ZNF536: variants seen among roughly 807,000 people sequenced by gnomAD.
ZNF536 encodes zinc finger protein 536.
ZNF536 carries 13 observed loss-of-function variants against 84.5 expected under a neutral mutation model. The ratio of observed to expected loss-of-function variants is 0.15; its 90% CI spans 0.10 to 0.24. The LOEUF is 0.24. ZNF536 is among the 10% of genes least tolerant of loss of function. The probability of loss-of-function intolerance (pLI) is 1.00; values close to 1 mark genes in which losing one functional copy is unlikely to be tolerated. For synonymous variants in ZNF536, 811 were observed against 742.5 expected (o/e 1.09, Z -1.50); for missense variants, 1,536 against 1,747.5 (o/e 0.88, Z 2.16).
chr19:30,586,112 G>A (rs975018539), intron 1 of ZNF536, among the ~76,000 whole-genome samples: 4 of 152,092 alleles, frequency 2.6e-5, no homozygotes, highest in African/African-American at 9.7e-5. Context: ...TGTATATTTG[G>A]GCAAGTTACA....
intron 1 of ZNF536, among the ~76,000 whole-genome samples, chr19:30,268,067 C>G (rs1599962138): frequency 1.3e-5 from 1 of 79,362 alleles, no homozygotes; most frequent in Admixed American, 1.4e-4. Context: ...CTCTCCCCCT[C>G]TCATCCTTCC....
chr19:30,679,619 G>A (rs775674571), intron 1 of ZNF536, among the ~76,000 whole-genome samples: 18 of 152,168 alleles, frequency 1.2e-4, no homozygotes, highest in Non-Finnish European at 2.1e-4. Flanking sequence ...GGGCAGCAGG[G>A]AAGGGCCAGA....
intron 1 of ZNF536, among the ~76,000 whole-genome samples, chr19:30,231,226 C>T (rs373501117): frequency 2.0e-5 from 3 of 152,332 alleles, no homozygotes; most frequent in African/African-American, 7.2e-5. Flanking sequence ...GAAGCCTCTT[C>T]CATGGCCTGT....
chr19:30,686,601 C>A (rs1016763738), intron 1 of ZNF536, among the ~76,000 whole-genome samples: 1 of 152,202 alleles, frequency 6.6e-6, no homozygotes, highest in African/African-American at 2.4e-5. Flanking sequence ...CCCTCTTAGT[C>A]CCTTACCAAG....
intron 2 of ZNF536, among the ~76,000 whole-genome samples, chr19:30,458,447 GTTTTTTTTTTTTT>G (rs3084731): frequency 3.4e-4 from 28 of 83,490 alleles, no homozygotes; most frequent in Admixed American, 4.2e-4. Context: ...ATTTCCTGCT[GTTTTTTTTTTTTT>G]TTTTTTTTTT....
chr19:30,261,086 CAGG>C (rs2025186495), intron 1 of ZNF536, among the ~76,000 whole-genome samples: 4 of 152,042 alleles, frequency 2.6e-5, no homozygotes, highest in South Asian at 4.2e-4. Flanking sequence ...ATCACGAGGT[CAGG>C]AGATCGAGAC....
At chr19:30,629,008 G>A (rs1476399395) in intron 1 of ZNF536, among the ~76,000 whole-genome samples, 3 of 152,054 alleles carry the variant, frequency 2.0e-5, no homozygotes, top group Non-Finnish European at 4.4e-5. Flanking sequence ...TGGCCCAGGA[G>A]TCACTTTTAA....
chr19:30,630,730 A>G lies in ZNF536; in HGVS notation c.170-80027A>G, dbSNP rs555591719. On this transcript the variant is annotated intron_variant, in intron 1 of 1. Transcript: ENST00000592773. ...AGGCTCAGTCTGGGTCACTGTCAGG[A>G]CTTGCTACTGGGCCAAGGTCAGCAG... is the stretch of plus-strand genomic sequence containing the variant. 2.0e-5 allele frequency among the ~76,000 whole-genome samples: 3 copies of G among 152,256 alleles called. No homozygotes were observed. In the East Asian group the frequency reaches 5.8e-4, roughly 29 times the overall value.
chr19:30,382,182 C>T lies in ZNF536; in HGVS notation c.-3+9626C>T, dbSNP rs545121290. Among the ~76,000 whole-genome samples the T allele has an allele frequency of 6.6e-5, 10 of 152,278 alleles. No individual in the cohort carries two copies. The East Asian group carries it at 1.9e-3, about 29-fold the overall frequency. On this transcript the variant is annotated intron_variant, in intron 1 of 4. Transcript: ENST00000355537. Reference sequence around the variant, plus strand: ...CAGCTCTGCATCCATGTCCCATTTCCGTGTTATGGCTAGCGACAGACACAG... The same window carrying T: ...CAGCTCTGCATCCATGTCCCATTTCTGTGTTATGGCTAGCGACAGACACAG...
chr19:30,618,078 G>A (rs910501787), intron 1 of ZNF536, among the ~76,000 whole-genome samples: 2 of 152,184 alleles, frequency 1.3e-5, no homozygotes, highest in African/African-American at 4.8e-5. Context: ...CTTGATTAGC[G>A]ATGAGTTAAA....
chr19:30,569,772 A>G (rs1406554323), intron 1 of ZNF536, among the ~76,000 whole-genome samples: 1 of 151,714 alleles, frequency 6.6e-6, no homozygotes, highest in African/African-American at 2.4e-5. Flanking sequence ...GGGTTTCACC[A>G]TGTTGGCCAG....
chr19:30,549,636 C>G, intron 4 of ZNF536, 122 bp downstream of exon 4: 8 of 1,145,816 alleles, frequency 7.0e-6, no homozygotes, highest in Non-Finnish European at 9.4e-6. Flanking sequence ...TTGAAAAAAC[C>G]CTCAATGCTG....
chr19:30,265,138 C>T (rs1007935794), intron 1 of ZNF536, among the ~76,000 whole-genome samples: 1 of 152,076 alleles, frequency 6.6e-6, no homozygotes, highest in South Asian at 2.1e-4. Context: ...TCTTCAGTCT[C>T]CCCCTTGTGC....
In ZNF536 at chr19:30,449,966, C is replaced by T. The variant is rs541025072; in HGVS notation, c.2170+4234C>T. Among the ~76,000 whole-genome samples the T allele has an allele frequency of 1.2e-4, 18 of 152,002 alleles. No homozygotes were observed. The East Asian group carries it at 2.7e-3, about 23-fold the overall frequency. On this transcript the variant is annotated intron_variant, in intron 2 of 4. Transcript: ENST00000355537. ...TCATGTGGCTCCCCCTCCCTGCCCC[C>T]GTTCACGATAACCGGTGCCTGCTCC...
chr19:30,638,558 T>C (rs1050982928), intron 1 of ZNF536, among the ~76,000 whole-genome samples: 1 of 152,166 alleles, frequency 6.6e-6, no homozygotes, highest in Non-Finnish European at 1.5e-5. Context: ...ACAAGAACAT[T>C]ACCAAGGCAG....
chr19:30,251,948 C>CAT lies in ZNF536; in HGVS notation c.-190+23287_-190+23288dup, dbSNP rs373244838. On this transcript the variant is annotated intron_variant, in intron 1 of 5. Transcript: ENST00000585628. The stretch of plus-strand genomic sequence containing the variant: ...TGTGGCTGAGTAGTATTCCATTGCA[C>CAT]ATATATATATATAGAAAAGAGCTTT... Among the ~76,000 whole-genome samples the CAT allele has an allele frequency of 4.9e-3, 742 of 151,572 alleles. 9 individuals are homozygous for CAT. Among genetic ancestry groups the CAT allele is most frequent in the African/African-American group, 0.016 (663 of 41,358 alleles).
intron 1 of ZNF536, among the ~76,000 whole-genome samples, chr19:30,692,080 A>C (rs1314022898): frequency 6.6e-6 from 1 of 152,226 alleles, no homozygotes. Context: ...GATATACAGG[A>C]AGGAAATGAA....
chr19:30,702,162 C>T (rs935870163), intron 1 of ZNF536, among the ~76,000 whole-genome samples: 9 of 152,212 alleles, frequency 5.9e-5, no homozygotes, highest in South Asian at 2.1e-4. Context: ...CCCTTAGGTG[C>T]GGCGAAAGAG....
intron 1 of ZNF536, among the ~76,000 whole-genome samples, chr19:30,707,873 G>A (rs1395222999): frequency 6.6e-6 from 1 of 152,056 alleles, no homozygotes; most frequent in African/African-American, 2.4e-5. Flanking sequence ...AGCTGGGCAT[G>A]GTGGCTTATG....
Sources: gnomAD v4.1 joint callset for allele counts (sites outside exome capture counted in the v4.1 genomes callset) on GRCh38, gnomAD v4.1.1 for gene constraint, MANE v1.5 for transcripts, NCBI Gene and HGNC (gene_info 2026-07-23, HGNC 2026-07-21) for gene names.